C12orf50: variants seen among roughly 807,000 people sequenced by gnomAD.
C12orf50 encodes uncharacterized protein C12orf50.
C12orf50 carries 35 observed loss-of-function variants against 61.6 expected under a neutral mutation model. That is an observed-to-expected ratio of 0.57 (90% confidence interval 0.43 to 0.75). The LOEUF is 0.75. Among genes scored for constraint, C12orf50 ranks in the 30% least tolerant of loss-of-function variants. The pLI is 0.00. For missense variants in C12orf50, 475 were observed against 488.5 expected (o/e 0.97, Z 0.26); for synonymous variants, 178 against 161.5 (o/e 1.10, Z -0.77).
intron 3 of C12orf50, among the ~76,000 whole-genome samples, chr12:88,017,179 A>G (rs2032342468): frequency 6.6e-6 from 1 of 152,216 alleles, no homozygotes; most frequent in Admixed American, 6.5e-5. Context: ...AACTTCCCAA[A>G]TTCCCACATA....
intron 9 of C12orf50, among the ~76,000 whole-genome samples, chr12:87,987,088 A>G (rs2030864855): frequency 6.6e-6 from 1 of 152,176 alleles, no homozygotes; most frequent in African/African-American, 2.4e-5. Context: ...GCTCCTGAAA[A>G]TTCACAAGTG....
chr12:88,028,577 G>A (rs908087673), intron 1 of C12orf50, among the ~76,000 whole-genome samples: 9 of 151,800 alleles, frequency 5.9e-5, no homozygotes, highest in African/African-American at 1.9e-4. Context: ...TTAAATATTT[G>A]TTATTACTTA....
At chr12:87,997,668 T>A (rs1375583688) in intron 4 of C12orf50, among the ~76,000 whole-genome samples, 1 of 152,126 alleles carries the variant, frequency 6.6e-6, no homozygotes. Flanking sequence ...TGGTGTTTGG[T>A]TTTCCATTCT....
intron 12 of C12orf50, among the ~76,000 whole-genome samples, chr12:87,980,662 C>A (rs551941470): frequency 1.3e-5 from 2 of 152,232 alleles, no homozygotes; most frequent in East Asian, 3.9e-4. Flanking sequence ...CCTTCACTCG[C>A]ACCAGCAATA....
intron 3 of C12orf50, among the ~76,000 whole-genome samples, chr12:88,013,736 TC>T (rs1050458262): frequency 2.6e-5 from 4 of 152,254 alleles, no homozygotes; most frequent in Non-Finnish European, 5.9e-5. Context: ...ACTGAACTAT[TC>T]TTGCAAATTT....
At chr12:87,982,571 G>A (rs1414302140) in intron 12 of C12orf50, among the ~76,000 whole-genome samples, 2 of 152,088 alleles carry the variant, frequency 1.3e-5, no homozygotes, top group Non-Finnish European at 2.9e-5. Context: ...CCTGAGGTCA[G>A]GGATACAACA....
chr12:87,981,227 A>G (rs1157222429), intron 12 of C12orf50, among the ~76,000 whole-genome samples: 1 of 152,060 alleles, frequency 6.6e-6, no homozygotes, highest in Non-Finnish European at 1.5e-5. Context: ...TCTGTACCCC[A>G]CCTCCCTGCT....
chr12:87,987,489 T>C (rs548290489), intron 9 of C12orf50, among the ~76,000 whole-genome samples: 1 of 152,232 alleles, frequency 6.6e-6, no homozygotes, highest in East Asian at 1.9e-4. Context: ...CTGAACCGAA[T>C]GTCAGTGAGA....
At chr12:87,988,147 G>A (rs2030927589) in intron 8 of C12orf50, among the ~76,000 whole-genome samples, 181 bp from the exon 9 acceptor site, 1 of 152,056 alleles carries the variant, frequency 6.6e-6, no homozygotes, top group Non-Finnish European at 1.5e-5. Context: ...ATTTCAAAAT[G>A]TCATGAGTAA....
At chr12:88,020,807 T>TAA (rs138710006) in intron 3 of C12orf50, among the ~76,000 whole-genome samples, 6 of 143,700 alleles carry the variant, frequency 4.2e-5, no homozygotes, top group Admixed American at 1.4e-4. Context: ...CTCAGCAAAT[T>TAA]AAAAAAAAAA....
Position 87,987,906 on chromosome 12 carries a change from T to C in C12orf50, c.761A>G (p.His254Arg), listed in dbSNP as rs768293584. ...SLTTRLVPTT[H>R]VLNATENISM... ...GATATTCTCAGTAGCATTTAATACATGCGTTGTAGGTACTAGTCGGGTAGT... is the reference window on the plus strand; with the variant it reads ...GATATTCTCAGTAGCATTTAATACACGCGTTGTAGGTACTAGTCGGGTAGT... Residue 254 changes from histidine to arginine, a missense_variant, in exon 9 of 13, where the codon CAT becomes CGT. His to Arg is a conservative substitution (Grantham distance 29, BLOSUM62 0). Transcript: ENST00000298699. 6.2e-7 allele frequency: 1 copy of C among 1,612,200 alleles called. No individual in the cohort carries two copies. The highest frequency in any genetic ancestry group is 1.1e-5 in the South Asian group (1 of 90,952).
At chr12:87,996,225 G>C in intron 6 of C12orf50, 149 bp downstream of exon 6, 1 of 631,896 alleles carries the variant, frequency 1.6e-6, no homozygotes, top group Non-Finnish European at 2.7e-6. Context: ...AGCAGCTTTG[G>C]GTCATCCAAT....
intron 3 of C12orf50, among the ~76,000 whole-genome samples, chr12:87,999,668 A>T (rs2136437848): frequency 6.6e-6 from 1 of 152,304 alleles, no homozygotes; most frequent in Non-Finnish European, 1.5e-5. Flanking sequence ...ATTTTTAGCT[A>T]CATACCAAGA....
intron 3 of C12orf50, among the ~76,000 whole-genome samples, chr12:88,015,403 C>CAGTT (rs1273077693): frequency 6.6e-6 from 1 of 152,184 alleles, no homozygotes; most frequent in Non-Finnish European, 1.5e-5. Context: ...GTGGCCAAAT[C>CAGTT]AGTTGTCCAA....
rs368881407 is a variant in C12orf50, at chr12:87,998,195, A to G, written c.134-5T>C. On this transcript the variant is annotated splice_polypyrimidine_tract_variant and splice_region_variant and intron_variant, in intron 3 of 12. Coordinates refer to ENST00000298699, the MANE Select transcript of C12orf50 (RefSeq NM_152589.3). ...TTTCTTTCTGTAGTGTGATATCTGC[A>G]GAGAAAATGCAACATTTCAGTCTGT... 4.5e-5 allele frequency: 73 copies of G among 1,608,948 alleles called. No individual in the cohort carries two copies. The African/African-American group carries it at 7.8e-4, about 17-fold the overall frequency.
At chr12:87,980,783 T>C (rs954441237) in intron 12 of C12orf50, among the ~76,000 whole-genome samples, 1 of 152,180 alleles carries the variant, frequency 6.6e-6, no homozygotes, top group Non-Finnish European at 1.5e-5. Context: ...CATTCTCCTC[T>C]ATTATTGCAT....
At chr12:88,010,536 C>T (rs892433372) in intron 3 of C12orf50, among the ~76,000 whole-genome samples, 4 of 149,556 alleles carry the variant, frequency 2.7e-5, no homozygotes, top group African/African-American at 9.8e-5. Flanking sequence ...GGCAAGATGT[C>T]ATTAGATACA....
chr12:88,027,842 T>A (rs2032762658), intron 1 of C12orf50: 1 of 152,148 alleles, frequency 6.6e-6, no homozygotes, highest in African/African-American at 2.4e-5. Flanking sequence ...ACATGTTCCA[T>A]GGTTGTTCTT....
chr12:88,008,471 T>C (rs1195983829), intron 3 of C12orf50, among the ~76,000 whole-genome samples: 1 of 152,208 alleles, frequency 6.6e-6, no homozygotes, highest in Non-Finnish European at 1.5e-5. Context: ...CAGTCTATCA[T>C]TGTTGGGCAT....
Sources: gnomAD v4.1 joint callset for allele counts (sites outside exome capture counted in the v4.1 genomes callset) on GRCh38, gnomAD v4.1.1 for gene constraint, MANE v1.5 for transcripts, NCBI Gene and HGNC (gene_info 2026-07-23, HGNC 2026-07-21) for gene names.